The following MALRD1 variants were observed in gnomAD, a reference collection of about 807,000 sequenced individuals.
MALRD1 encodes the protein MAM and LDL receptor class A domain containing 1, also known as MAM and LDL-receptor class A domain-containing protein 1.
In MALRD1, 247 loss-of-function variants were observed where a neutral mutation model predicts 242.1. The ratio of observed to expected loss-of-function variants is 1.02; its 90% confidence interval spans 0.92 to 1.13. MALRD1 has a LOEUF of 1.13. MALRD1 is among the 50% of genes most tolerant of loss of function. The pLI, the probability that MALRD1 is intolerant of heterozygous loss-of-function variation, is 0.00. For synonymous variants in MALRD1, 995 were observed against 866.6 expected, an observed-to-expected ratio of 1.15 and a Z score of -2.60; for missense variants, 2,989 against 2,533.1, an observed-to-expected ratio of 1.18 and a Z score of -3.86.
intron 35 of MALRD1, 47 bp from the exon 36 acceptor site, chr10:19,615,810 T>C (rs957452010): frequency 7.5e-7 from 1 of 1,328,114 alleles, no homozygotes; most frequent in South Asian, 1.3e-5. Flanking sequence ...TTCTTCCTCC[T>C]AATACTATTT....
At position 19,679,380 on chromosome 10, in the gene MALRD1, G is replaced by A. The variant is rs569842014; in HGVS notation, c.6138-12902G>A. ...AGGGATTCAACTTCTTTCTGGTTCC[G>A]TCTTGGCAGGGTGTATGTGTCCAGG... On this transcript the variant is annotated intron_variant, in intron 36 of 39. Transcript: ENST00000454679. 1.2e-4 allele frequency among the ~76,000 whole-genome samples: 19 copies of A among 152,200 alleles called. No homozygotes were observed. The South Asian group carries it at 1.5e-3, about 12-fold the overall frequency.
chr10:19,479,575 A>G (rs1275050545), intron 29 of MALRD1, among the ~76,000 whole-genome samples: 1 of 152,238 alleles, frequency 6.6e-6, no homozygotes, highest in Non-Finnish European at 1.5e-5. Context: ...ATATATTAAT[A>G]TGTAATGTGC....
intron 18 of MALRD1, among the ~76,000 whole-genome samples, chr10:19,229,701 C>G (rs1477422715): frequency 6.6e-6 from 1 of 152,084 alleles, no homozygotes; most frequent in Non-Finnish European, 1.5e-5. Flanking sequence ...CAAACTATAA[C>G]AACAACAGGC....
intron 31 of MALRD1, among the ~76,000 whole-genome samples, chr10:19,504,408 C>G (rs1838104659): frequency 6.6e-6 from 1 of 151,986 alleles, no homozygotes; most frequent in Admixed American, 6.5e-5. Context: ...TCACCCTGGT[C>G]TCTGATAGAG....
At chr10:19,063,799 G>T (rs188761074) in intron 1 of MALRD1, among the ~76,000 whole-genome samples, 1 of 150,878 alleles carries the variant, frequency 6.6e-6, no homozygotes, top group Non-Finnish European at 1.5e-5. Context: ...GTTGTGGGGT[G>T]GGGGGAGGCG....
chr10:19,679,930 T>A (rs1190327247), intron 36 of MALRD1, among the ~76,000 whole-genome samples: 1 of 152,208 alleles, frequency 6.6e-6, no homozygotes, highest in African/African-American at 2.4e-5. Flanking sequence ...CAGAAGCAGG[T>A]TGTTCAATTT....
chr10:19,367,621 C>T (rs577254188), intron 26 of MALRD1, among the ~76,000 whole-genome samples: 9 of 152,170 alleles, frequency 5.9e-5, no homozygotes, highest in East Asian at 1.9e-4. Context: ...TTTCCTCCTT[C>T]GGATAAATGC....
chr10:19,386,467 A>G (rs1846079529), intron 26 of MALRD1, among the ~76,000 whole-genome samples: 1 of 152,126 alleles, frequency 6.6e-6, no homozygotes, highest in African/African-American at 2.4e-5. Flanking sequence ...TGTGAAGCTG[A>G]TATCCCAAGC....
At chr10:19,683,455 T>G (rs1392450549) in intron 36 of MALRD1, among the ~76,000 whole-genome samples, 1 of 152,164 alleles carries the variant, frequency 6.6e-6, no homozygotes, top group East Asian at 1.9e-4. Context: ...ATTCTGAGAG[T>G]GACACTTACT....
At chr10:19,706,370 T>C (rs927138650) in intron 38 of MALRD1, among the ~76,000 whole-genome samples, 2 of 152,182 alleles carry the variant, frequency 1.3e-5, no homozygotes, top group African/African-American at 4.8e-5. Flanking sequence ...GGCTAGAGGC[T>C]GGATTGAAGT....
At chr10:19,084,185 A>G (rs562464956) in intron 2 of MALRD1, among the ~76,000 whole-genome samples, 1 of 152,104 alleles carries the variant, frequency 6.6e-6, no homozygotes, top group East Asian at 1.9e-4. Flanking sequence ...TGCTAGCTTA[A>G]TAAATTGGTA....
chr10:19,202,693 A>G (rs1300241863), intron 14 of MALRD1, among the ~76,000 whole-genome samples: 3 of 152,184 alleles, frequency 2.0e-5, no homozygotes, highest in African/African-American at 4.8e-5. Flanking sequence ...ATTTCAGTGT[A>G]ATCATCATCA....
chr10:19,685,233 A>G (rs1176658333), intron 36 of MALRD1, among the ~76,000 whole-genome samples: 1 of 152,014 alleles, frequency 6.6e-6, no homozygotes, highest in Non-Finnish European at 1.5e-5. Context: ...ACTTTTCTTT[A>G]TCTTTCTTCT....
At position 19,367,733 on chromosome 10, in the gene MALRD1, A is replaced by G. The variant is rs138106828; in HGVS notation, c.4441+15436A>G. Among the ~76,000 whole-genome samples the G allele has an allele frequency of 9.4e-4, 143 of 152,242 alleles. 1 individual carries two copies. In the South Asian group the frequency reaches 0.014, roughly 15 times the overall value. ...TAGTTTTCATTCTCAAGAAGAGTGTATAAGAGTTCTCTTTTCTCTGCATTC... is the reference window on the plus strand; with the variant it reads ...TAGTTTTCATTCTCAAGAAGAGTGTGTAAGAGTTCTCTTTTCTCTGCATTC... On this transcript the variant is annotated intron_variant, in intron 26 of 39. Transcript: ENST00000454679.
At position 19,467,659 on chromosome 10, in the gene MALRD1, TCCCTA is replaced by T. The variant is rs141198754; in HGVS notation, c.5029+17172_5029+17176del. Among the ~76,000 whole-genome samples, 376 of 149,104 alleles carry T rather than the reference TCCCTA, an allele frequency of 2.5e-3. 8 individuals carry two copies. The East Asian group carries it at 0.052, about 21-fold the overall frequency. ...CTTGAACCATACCTTATTCCAAAGT[TCCCTA>T]CCAAAATAATGTACCATAAGGCTTT... On this transcript the variant is annotated intron_variant, in intron 29 of 39. Transcript: ENST00000454679.
At chr10:19,509,744 T>TA (rs1833307946) in intron 31 of MALRD1, among the ~76,000 whole-genome samples, 1 of 152,146 alleles carries the variant, frequency 6.6e-6, no homozygotes. Context: ...CTTGAGAGAA[T>TA]ACAGTGTACC....
chr10:19,171,422 TTATATACATATATATATATA>T (rs1455433948), intron 13 of MALRD1, among the ~76,000 whole-genome samples: 4 of 36,276 alleles, frequency 1.1e-4, no homozygotes, highest in African/African-American at 3.1e-4. Context: ...ATTTTATATT[TTATATACATATATATATATA>T]TATATATATA....
At position 19,204,423 on chromosome 10, in the gene MALRD1, A is replaced by C; in HGVS notation, c.2210+10A>C. Reference sequence around the variant, plus strand: ...GCATACTTTCCTTCTGGTAAATATTAAACAAATATTTAAACAATATTAAAC... The same window carrying C: ...GCATACTTTCCTTCTGGTAAATATTCAACAAATATTTAAACAATATTAAAC... On this transcript the variant is annotated intron_variant, in intron 16 of 39. Transcript: ENST00000454679. 4 of 1,508,992 alleles carry C rather than the reference A, an allele frequency of 2.7e-6. No homozygotes were observed. The highest frequency in any genetic ancestry group is 3.6e-6 in the Non-Finnish European group (4 of 1,113,176). The allele number at this position is 1,508,992 out of a possible 1,614,324, so 93.5% of individuals were successfully genotyped here. A position where few individuals can be genotyped will look rare whatever the true frequency, so the allele number is the denominator to read the frequency against.
chr10:19,259,571 A>G (rs1188419248), intron 19 of MALRD1, among the ~76,000 whole-genome samples: 1 of 152,150 alleles, frequency 6.6e-6, no homozygotes, highest in Non-Finnish European at 1.5e-5. Context: ...AGAACAGTGT[A>G]GGAAAGACCC....
Sources: gnomAD v4.1 joint callset for allele counts (sites outside exome capture counted in the v4.1 genomes callset) on GRCh38, gnomAD v4.1.1 for gene constraint, MANE v1.5 for transcripts, NCBI Gene and HGNC (gene_info 2026-07-23, HGNC 2026-07-21) for gene names.